Variants in FAM193A observed in about 807,000 individuals in gnomAD.
The protein encoded by FAM193A is protein FAM193A.
In FAM193A, 22 loss-of-function variants were observed where a neutral mutation model predicts 126.5. The ratio of observed to expected loss-of-function variants is 0.17; its 90% CI spans 0.12 to 0.25. The LOEUF is 0.25. Ranked by LOEUF, FAM193A falls within the 10% of genes least tolerant of loss-of-function variation. FAM193A has a pLI of 1.00. For missense variants in FAM193A, 1,675 were observed against 1,672.8 expected (o/e 1.00, Z -0.02); for synonymous variants, 761 against 646.8 (o/e 1.18, Z -2.68).
At chr4:2,634,769 A>G (rs532338375) in intron 5 of FAM193A, among the ~76,000 whole-genome samples, 3 of 152,346 alleles carry the variant, frequency 2.0e-5, no homozygotes, top group African/African-American at 4.8e-5. Flanking sequence ...TTATAGTATA[A>G]TGACAGCTAC....
intron 4 of FAM193A, among the ~76,000 whole-genome samples, chr4:2,627,778 T>C (rs933499834): frequency 1.3e-5 from 2 of 150,960 alleles, no homozygotes; most frequent in African/African-American, 2.4e-5. Flanking sequence ...TGTCTCGCTC[T>C]GTCGCCCAGG....
chr4:2,689,645 C>T lies in FAM193A; in HGVS notation c.2471C>T (p.Ser824Leu), dbSNP rs755868484. The change falls in exon 14 of 21, where the codon TCA (serine) becomes TTA (leucine). Residue 824 changes from serine to leucine, a missense_variant. Physicochemically the swap from Ser to Leu is moderately radical, Grantham distance 145 (BLOSUM62 -2). Transcript: ENST00000637812. ...TCTAAATTTATAAGTCTTTGGGGATCAGAAGTGATGAATGATAAGAACTGG... is the reference window on the plus strand; with the variant it reads ...TCTAAATTTATAAGTCTTTGGGGATTAGAAGTGATGAATGATAAGAACTGG... Reference protein sequence around the residue: ...NSSKFISLWGSEVMNDKNWNP... With the variant: ...NSSKFISLWGLEVMNDKNWNP... The T allele has an allele frequency of 6.3e-7, 1 of 1,575,722 alleles. No individual in the cohort carries two copies. The highest frequency in any genetic ancestry group is 2.3e-5 in the East Asian group (1 of 43,094).
intron 2 of FAM193A, among the ~76,000 whole-genome samples, chr4:2,613,418 A>T (rs1389805677): frequency 7.1e-6 from 1 of 141,212 alleles, no homozygotes; most frequent in Non-Finnish European, 1.5e-5. Flanking sequence ...TGTGTACTGT[A>T]AAAACTCATT....
intron 12 of FAM193A, among the ~76,000 whole-genome samples, chr4:2,668,367 C>G (rs758435409): frequency 2.0e-4 from 31 of 152,084 alleles, no homozygotes; most frequent in Non-Finnish European, 3.1e-4. Context: ...ATGCGCACCA[C>G]CACGCCCATC....
chr4:2,655,249 G>A, intron 7 of FAM193A: 1 of 468,028 alleles, frequency 2.1e-6, no homozygotes, highest in Admixed American at 3.5e-5. Context: ...AAATAAAACA[G>A]GAAGATGTCA....
intron 2 of FAM193A, among the ~76,000 whole-genome samples, chr4:2,599,776 G>C (rs139983538): frequency 0.012 from 1,805 of 148,010 alleles, 30 homozygotes; most frequent in African/African-American, 0.043. Context: ...TTGCTCTGTT[G>C]CCCAGGCTGG....
intron 7 of FAM193A, chr4:2,654,834 G>A (rs1003333492): frequency 2.2e-5 from 8 of 369,366 alleles, no homozygotes; most frequent in East Asian, 1.2e-4. Flanking sequence ...TGCTATGACC[G>A]GCATCTTGAG....
At chr4:2,672,960 C>G (rs1429806101) in intron 13 of FAM193A, among the ~76,000 whole-genome samples, 1 of 152,164 alleles carries the variant, frequency 6.6e-6, no homozygotes, top group Non-Finnish European at 1.5e-5. Flanking sequence ...AGAGCCCATT[C>G]AGGAAGTGGA....
intron 1 of FAM193A, among the ~76,000 whole-genome samples, chr4:2,563,801 C>T (rs1375294763): frequency 6.6e-6 from 1 of 152,144 alleles, no homozygotes; most frequent in Non-Finnish European, 1.5e-5. Context: ...GTTTATCTTG[C>T]CTTGAGATGT....
intron 20 of FAM193A, among the ~76,000 whole-genome samples, chr4:2,730,897 T>TA (rs1283348204): frequency 1.3e-5 from 2 of 149,978 alleles, no homozygotes; most frequent in Non-Finnish European, 3.0e-5. Flanking sequence ...TGAAAAAAAT[T>TA]AAAAATTAGC....
At chr4:2,618,011 C>G (rs1466606327) in intron 2 of FAM193A, among the ~76,000 whole-genome samples, 1 of 151,990 alleles carries the variant, frequency 6.6e-6, no homozygotes, top group Non-Finnish European at 1.5e-5. Flanking sequence ...TCTTTTTTGC[C>G]TTTGTTTTAA....
At position 2,700,048 on chromosome 4, in the gene FAM193A, T is replaced by C; in HGVS notation, c.3876T>C (p.Ala1292=). 1 of 1,613,948 alleles carries C rather than the reference T, an allele frequency of 6.2e-7. No homozygotes were observed. The highest frequency in any genetic ancestry group is 8.5e-7 in the Non-Finnish European group (1 of 1,180,000). The change falls in exon 19 of 21, where the codon GCT becomes GCC. Residue 1292 remains alanine, a synonymous_variant. Coordinates refer to ENST00000637812, the MANE Select transcript of FAM193A (RefSeq NM_001366318.2). ...CAGAGCCCAGGCCAGGGCTAGGGGC[T>C]GATGGGGATGCTGCAGACCCCGTCG... is the stretch of plus-strand genomic sequence containing the variant. ...NHSEPRPGLG[A]DGDAADPVDT...
At chr4:2,711,330 T>C (rs1430296538) in intron 19 of FAM193A, among the ~76,000 whole-genome samples, 1 of 150,782 alleles carries the variant, frequency 6.6e-6, no homozygotes, top group Non-Finnish European at 1.5e-5. Context: ...TTTCCTTTTT[T>C]GTTTGTTTGT....
In FAM193A at chr4:2,696,360, C is replaced by A; in HGVS notation, c.3277-3C>A. 2 of 1,590,586 alleles carry A rather than the reference C, an allele frequency of 1.3e-6. No homozygotes were observed. Among genetic ancestry groups the A allele is most frequent in the South Asian group, 1.1e-5 (1 of 87,528 alleles). On this transcript the variant is annotated splice_polypyrimidine_tract_variant and splice_region_variant and intron_variant, in intron 17 of 20. Transcript: ENST00000637812. ...TTAAGCATAACTTTGTTGTTTTTCT[C>A]AGCCTCCAGCTGCACCAACAAGTAG...
chr4:2,600,121 C>T (rs904717145), intron 2 of FAM193A, among the ~76,000 whole-genome samples: 3 of 152,184 alleles, frequency 2.0e-5, no homozygotes, highest in African/African-American at 7.2e-5. Flanking sequence ...TGGTCTCAAA[C>T]TCCTGGCCTC....
intron 19 of FAM193A, among the ~76,000 whole-genome samples, chr4:2,702,552 G>A (rs1041173168): frequency 2.0e-5 from 3 of 152,072 alleles, no homozygotes; most frequent in East Asian, 3.9e-4. Context: ...GCACACGAGC[G>A]CCTGCCACCT....
At chr4:2,668,632 G>T (rs2109144292) in intron 12 of FAM193A, among the ~76,000 whole-genome samples, 1 of 152,024 alleles carries the variant, frequency 6.6e-6, no homozygotes, top group African/African-American at 2.4e-5. Context: ...TACTATTATT[G>T]TCCTATATAT....
At chr4:2,578,085 T>C (rs990989519) in intron 1 of FAM193A, among the ~76,000 whole-genome samples, 6 of 152,132 alleles carry the variant, frequency 3.9e-5, no homozygotes, top group African/African-American at 1.4e-4. Context: ...CTTCTGTTTT[T>C]TGTTTGCTTT....
intron 7 of FAM193A, among the ~76,000 whole-genome samples, chr4:2,652,626 G>A (rs1230517791): frequency 6.6e-6 from 1 of 152,086 alleles, no homozygotes; most frequent in Non-Finnish European, 1.5e-5. Flanking sequence ...TCGCTATCAC[G>A]AGAACAGCAC....
Sources: allele counts gnomAD v4.1 joint callset (sites outside exome capture counted in the v4.1 genomes callset), GRCh38; gene constraint gnomAD v4.1.1; transcripts MANE v1.5; gene names NCBI Gene and HGNC (gene_info 2026-07-23, HGNC 2026-07-21).